SARS2: variants seen among roughly 807,000 people sequenced by gnomAD.
The protein encoded by SARS2 is serine--tRNA ligase, mitochondrial.
SARS2 carries 52 observed loss-of-function variants against 66.8 expected under a neutral mutation model. That is an observed-to-expected ratio of 0.78 (90% CI 0.62 to 0.98). The LOEUF is 0.98. SARS2 is among the 50% of genes least tolerant of loss of function. The probability of loss-of-function intolerance (pLI) is 0.00; values close to 1 mark genes in which losing one functional copy is unlikely to be tolerated. For synonymous variants in SARS2, 306 were observed against 281.4 expected, an observed-to-expected ratio of 1.09 and a Z score of -0.87; for missense variants, 673 against 706.3, an observed-to-expected ratio of 0.95 and a Z score of 0.53.
chr19:38,921,359 C>T (rs1974531387), intron 5 of SARS2, 33 bp downstream of exon 5: 1 of 1,610,716 alleles, frequency 6.2e-7, no homozygotes, highest in African/African-American at 1.3e-5. Context: ...CACCGCAGGG[C>T]TTGTCAGCTC....
In SARS2 at chr19:38,915,693, G is replaced by A; in HGVS notation, c.1470C>T (p.Ile490=). The change falls in exon 16 of 16, where the codon ATC becomes ATT. Residue 490 remains isoleucine (I), a synonymous_variant. Coordinates refer to ENST00000221431, the MANE Select transcript of SARS2 (RefSeq NM_017827.4). ...ALQSYLGTDR[I]TAPTHVPLQY... ...GGAGAGGCACGTGGGTAGGGGCTGT[G>A]ATCCGATCAGTGCCGAGGTAGGACT... is the stretch of plus-strand genomic sequence containing the variant. 6.2e-7 allele frequency: 1 copy of A among 1,613,334 alleles called. No individual in the cohort carries two copies. The highest frequency in any genetic ancestry group is 8.5e-7 in the Non-Finnish European group (1 of 1,179,620).
intron 1 of SARS2, among the ~76,000 whole-genome samples, chr19:38,926,652 G>A (rs1230114926): frequency 1.3e-5 from 2 of 152,162 alleles, no homozygotes; most frequent in African/African-American, 2.4e-5. Flanking sequence ...CAGGTGTGAT[G>A]GCAGGCACCT....
Position 38,920,980 on chromosome 19 carries a change from A to G in SARS2, c.589+412T>C, listed in dbSNP as rs755295581. Among the ~76,000 whole-genome samples, 8 of 138,324 alleles carry G rather than the reference A, an allele frequency of 5.8e-5. 2 individuals are homozygous for G. Among genetic ancestry groups the G allele is most frequent in the East Asian group, 2.2e-4 (1 of 4,606 alleles). The allele number at this position is 138,324 out of a possible 152,430, so 90.7% of individuals were successfully genotyped here. On this transcript the variant is annotated intron_variant, in intron 5 of 15. Coordinates refer to ENST00000221431, the MANE Select transcript of SARS2 (RefSeq NM_017827.4). ...ACAGACACAGATACAGACACACACA[A>G]ACACAGACACACACACACAGATACA...
At position 38,920,119 on chromosome 19, in the gene SARS2, T is replaced by A. The variant is rs1183656643; in HGVS notation, c.620A>T (p.Glu207Val). Reference sequence around the variant, plus strand: ...GATGATGTCGAGTTTCTCGCCAATTTCCAGGTGGCCCCGAGGTTGGAAGGA... The same window carrying A: ...GATGATGTCGAGTTTCTCGCCAATTACCAGGTGGCCCCGAGGTTGGAAGGA... ...VFSFQPRGHL[E>V]IGEKLDIIRQ... The change falls in exon 6 of 16, where the codon GAA (glutamate) becomes GTA (valine). Residue 207 changes from glutamate (E) to valine (V), a missense_variant. Physicochemically the swap from Glu to Val is moderately radical, Grantham distance 121. Coordinates refer to ENST00000221431, the MANE Select transcript of SARS2 (RefSeq NM_017827.4). 1 of 1,562,528 alleles carries A rather than the reference T, an allele frequency of 6.4e-7. No individual in the cohort carries two copies. The highest frequency in any genetic ancestry group is 1.4e-5 in the African/African-American group (1 of 73,796).
chr19:38,925,237 C>T (rs1974607766), intron 2 of SARS2, among the ~76,000 whole-genome samples: 1 of 152,166 alleles, frequency 6.6e-6, no homozygotes, highest in African/African-American at 2.4e-5. Flanking sequence ...CACTTGAACC[C>T]AGGGGGCAGA....
At chr19:38,915,986 G>A (rs777776192) in intron 14 of SARS2, 51 bp downstream of exon 14, 90 of 1,612,098 alleles carry the variant, frequency 5.6e-5, no homozygotes, top group Non-Finnish European at 7.5e-5. Flanking sequence ...GGTCTAGGGC[G>A]GCAGAGGCTG....
chr19:38,918,883 G>A, intron 7 of SARS2, 70 bp from the exon 8 acceptor site: 1 of 1,477,240 alleles, frequency 6.8e-7, no homozygotes, highest in South Asian at 1.2e-5. Flanking sequence ...CCCTGAAGAA[G>A]GGGTGCTGCA....
chr19:38,919,029 C>G (rs537422575), intron 7 of SARS2, among the ~76,000 whole-genome samples: 2 of 152,122 alleles, frequency 1.3e-5, no homozygotes, highest in South Asian at 4.1e-4. Context: ...GCCAACATGG[C>G]AAAACCCCCT....
chr19:38,927,592 AT>A (rs139526616), intron 1 of SARS2, among the ~76,000 whole-genome samples: 17 of 151,350 alleles, frequency 1.1e-4, no homozygotes, highest in Admixed American at 2.6e-4. Flanking sequence ...AAAAAAAAAA[AT>A]TTATTATTTT....
intron 12 of SARS2, 22 bp from the exon 13 acceptor site, chr19:38,916,336 T>G (rs764828853): frequency 6.2e-7 from 1 of 1,604,748 alleles, no homozygotes; most frequent in Middle Eastern, 1.7e-4. Context: ...GACGAAGGTG[T>G]GGGGAAGGTC....
At chr19:38,915,808 C>G (rs1974401446) in intron 15 of SARS2, 33 bp downstream of exon 15, 1 of 1,613,024 alleles carries the variant, frequency 6.2e-7, no homozygotes, top group Admixed American at 1.7e-5. Flanking sequence ...CGGCGCTGAG[C>G]TGCCTCTCTG....
At position 38,919,766 on chromosome 19, in the gene SARS2, CGGA is replaced by C; in HGVS notation, c.752_754del (p.Leu251del). ...CCCTCCTATCTTGGCCCATACCCGG[CGGA>C]GAAGCTTGTTGAATGTGAAGTTGAC... is the stretch of plus-strand genomic sequence containing the variant. On this transcript the variant is annotated inframe_deletion, in exon 7 of 16. Transcript: ENST00000221431. The C allele has an allele frequency of 6.2e-7, 1 of 1,613,828 alleles. No individual in the cohort carries two copies. The highest frequency in any genetic ancestry group is 1.1e-5 in the South Asian group (1 of 91,068).
intron 1 of SARS2, among the ~76,000 whole-genome samples, chr19:38,927,892 G>A (rs541753849): frequency 1.3e-4 from 19 of 151,956 alleles, no homozygotes; most frequent in African/African-American, 4.1e-4. Context: ...AATTAATTGG[G>A]GGTGGAGGCG....
intron 2 of SARS2, among the ~76,000 whole-genome samples, chr19:38,922,500 A>G (rs1481176467): frequency 6.6e-6 from 1 of 152,228 alleles, no homozygotes; most frequent in African/African-American, 2.4e-5. Flanking sequence ...TGATGCCTCC[A>G]TGCCAGGCTC....
At chr19:38,921,085 A>ACACAGATG in intron 5 of SARS2, among the ~76,000 whole-genome samples, 1 of 150,964 alleles carries the variant, frequency 6.6e-6, no homozygotes, top group Admixed American at 6.6e-5. Flanking sequence ...ACACACAGAT[A>ACACAGATG]CAGACACACA....
Position 38,915,478 on chromosome 19 carries a change from C to A in SARS2, c.*128G>T. The A allele has an allele frequency of 8.9e-7, 1 of 1,123,810 alleles. No individual in the cohort carries two copies. Among genetic ancestry groups the A allele is most frequent in the Admixed American group, 2.0e-5 (1 of 50,272 alleles). The allele number at this position is 1,123,810 out of a possible 1,614,324, so 69.6% of individuals were successfully genotyped here. On this transcript the variant is annotated 3_prime_UTR_variant, in exon 16 of 16. Transcript: ENST00000221431. ...AGAGGTGGACCCCGTGGTCCAGGGGCCCGGGCGTGGAGCTGACAGGAAGAA... is the reference window on the plus strand; with the variant it reads ...AGAGGTGGACCCCGTGGTCCAGGGGACCGGGCGTGGAGCTGACAGGAAGAA...
At chr19:38,927,569 C>A (rs1405552704) in intron 1 of SARS2, among the ~76,000 whole-genome samples, 3 of 151,422 alleles carry the variant, frequency 2.0e-5, no homozygotes, top group Non-Finnish European at 4.4e-5. Flanking sequence ...CAGAGTGAGA[C>A]CTTGTCTCCA....
intron 12 of SARS2, 129 bp from the exon 13 acceptor site, chr19:38,916,443 G>T: frequency 1.4e-6 from 1 of 740,072 alleles, no homozygotes; most frequent in Non-Finnish European, 2.3e-6. Context: ...GACCAGCCTG[G>T]GCAACATAAG....
intron 1 of SARS2, among the ~76,000 whole-genome samples, chr19:38,926,596 G>A (rs1974632203): frequency 1.3e-5 from 2 of 151,950 alleles, no homozygotes; most frequent in African/African-American, 4.8e-5. Flanking sequence ...GACCAGCCTG[G>A]TCAACATGGT....
Sources: allele counts gnomAD v4.1 joint callset (sites outside exome capture counted in the v4.1 genomes callset), GRCh38; gene constraint gnomAD v4.1.1; transcripts MANE v1.5; gene names NCBI Gene and HGNC (gene_info 2026-07-23, HGNC 2026-07-21).